The following ELMO2 variants were observed in gnomAD, a reference collection of about 807,000 sequenced individuals.
The protein encoded by ELMO2 is engulfment and cell motility 2.
ELMO2 carries 37 observed loss-of-function variants against 96.2 expected under a neutral mutation model. The ratio of observed to expected loss-of-function variants is 0.38; its 90% CI spans 0.30 to 0.51. The LOEUF (loss-of-function observed/expected upper bound fraction) is 0.51, where lower values mean the gene tolerates loss of function less well. Ranked by LOEUF, ELMO2 falls within the 20% of genes least tolerant of loss-of-function variation. ELMO2 has a pLI of 0.88. For synonymous variants in ELMO2, 315 were observed against 329.4 expected, an observed-to-expected ratio of 0.96 and a Z score of 0.47; for missense variants, 561 against 912.6, an observed-to-expected ratio of 0.61 and a Z score of 4.96.
chr20:46,389,158 A>G lies in ELMO2; in HGVS notation c.306T>C (p.Asp102=). ...TQSSNMETRL[D]AMKELAKLSA... is the part of the protein sequence containing the mutation. ...AGAGCTTGGCCAGCTCCTTCATGGC[A>G]TCCAGCCGGGTCTCCATGTTGGATG... Residue 102 remains aspartate, a synonymous_variant, in exon 7 of 22, where the codon GAT becomes GAC. Coordinates refer to ENST00000290246, the MANE Select transcript of ELMO2 (RefSeq NM_133171.5). 6.2e-7 allele frequency: 1 copy of G among 1,614,182 alleles called. No individual in the cohort carries two copies. The highest frequency in any genetic ancestry group is 8.5e-7 in the Non-Finnish European group (1 of 1,180,026).
At chr20:46,401,082 G>A (rs964121498) in intron 1 of ELMO2, among the ~76,000 whole-genome samples, 1 of 152,190 alleles carries the variant, frequency 6.6e-6, no homozygotes, top group African/African-American at 2.4e-5. Flanking sequence ...GGTGAAGGAG[G>A]CATGGGTAAG....
chr20:46,393,693 T>C (rs767513875), intron 4 of ELMO2, 92 bp from the exon 5 acceptor site: 78 of 1,378,122 alleles, frequency 5.7e-5, no homozygotes, highest in Non-Finnish European at 7.0e-5. Flanking sequence ...CTCAAGGGAT[T>C]GGGTGGCCTA....
intron 2 of ELMO2, among the ~76,000 whole-genome samples, chr20:46,396,390 G>A (rs1429511131): frequency 3.3e-5 from 5 of 152,152 alleles, no homozygotes; most frequent in East Asian, 1.9e-4. Flanking sequence ...ATAAAATGCA[G>A]AGGGCTTAAG....
At chr20:46,369,953 GGTATGGGGGTGTGT>G in intron 20 of ELMO2, 2 of 228,970 alleles carry the variant, frequency 8.7e-6, no homozygotes, top group South Asian at 3.9e-5. Flanking sequence ...AGACAAGATG[GGTATGGGGGTGTGT>G]GTGTGTGTGT....
At position 46,383,470 on chromosome 20, in the gene ELMO2, G is replaced by A. The variant is rs374676367; in HGVS notation, c.702C>T (p.Tyr234=). 46 of 1,614,148 alleles carry A rather than the reference G, an allele frequency of 2.8e-5. No homozygotes were observed. Among genetic ancestry groups the A allele is most frequent in the Admixed American group, 1.2e-4 (7 of 60,022 alleles). ...AAAGTGCATTAATCAGTGCAATGGCGTAGGTCTGAATCTCCTGGTTGGAGC... is the reference window on the plus strand; with the variant it reads ...AAAGTGCATTAATCAGTGCAATGGCATAGGTCTGAATCTCCTGGTTGGAGC... ...LQVSNQEIQT[Y]AIALINALFL... is the part of the protein sequence containing the mutation. Residue 234 remains tyrosine, a synonymous_variant, in exon 10 of 22, where the codon TAC becomes TAT. Transcript: ENST00000290246.
chr20:46,376,978 C>A (rs143612907), intron 11 of ELMO2: 1 of 382,114 alleles, frequency 2.6e-6, no homozygotes. Flanking sequence ...AATGCAGATA[C>A]GGAACACTTC....
intron 1 of ELMO2, 84 bp downstream of exon 1, chr20:46,406,464 C>T (rs1254692732): frequency 6.5e-6 from 1 of 152,678 alleles, no homozygotes; most frequent in East Asian, 1.9e-4. Flanking sequence ...AACGCTCGGC[C>T]CGGCCTCTCT....
In ELMO2 at chr20:46,368,928, T is replaced by C. The variant is rs1749400007; in HGVS notation, c.1925A>G (p.Asp642Gly). The change falls in exon 21 of 22, where the codon GAT becomes GGT. Residue 642 changes from aspartate (D) to glycine (G), a missense_variant. Coordinates refer to ENST00000290246, the MANE Select transcript of ELMO2 (RefSeq NM_133171.5). ...ELAFSILYDP[D>G]ETLNFIAPNK... ...AGGTGCGATGAAGTTTAAGGTCTCA[T>C]CAGGGTCATACAGGATGGAGAAGGC... 3.7e-6 allele frequency: 6 copies of C among 1,614,058 alleles called. No individual in the cohort carries two copies. Among genetic ancestry groups the C allele is most frequent in the Non-Finnish European group, 5.1e-6 (6 of 1,180,028 alleles).
Position 46,368,719 on chromosome 20 carries a change from T to C in ELMO2, c.1962+172A>G, listed in dbSNP as rs79269212. Among the ~76,000 whole-genome samples, 1,005 of 152,288 alleles carry C rather than the reference T, an allele frequency of 6.6e-3. 15 individuals are homozygous for C. The highest frequency in any genetic ancestry group is 0.023 in the African/African-American group (939 of 41,554). On this transcript the variant is annotated intron_variant, in intron 21 of 21. Transcript: ENST00000290246. ...TGCCCCCCCAACCACAGCTCCTCCT[T>C]TGAGACATTCCCATCCTATTGAAAT...
At chr20:46,373,175 G>A (rs2059765377) in intron 16 of ELMO2, 1 of 553,466 alleles carries the variant, frequency 1.8e-6, no homozygotes, top group African/African-American at 1.9e-5. Flanking sequence ...AACTTCAATG[G>A]ACAAATGAGG....
rs1308004404 is a variant in ELMO2, at chr20:46,376,710, G to C, written c.808-920C>G. On this transcript the variant is annotated intron_variant, in intron 11 of 21. Coordinates refer to ENST00000290246, the MANE Select transcript of ELMO2 (RefSeq NM_133171.5). ...CTCCCTCTGTCTCACCCACCATTAT[G>C]AATCCTGTCCCTCTTGGTTCTTTCT... The C allele has an allele frequency of 3.1e-6, 4 of 1,289,256 alleles. No homozygotes were observed. In the African/African-American group the frequency reaches 6.1e-5, roughly 20 times the overall value. 79.9% of individuals were successfully genotyped at this position (1,289,256 alleles called of 1,614,324 possible).
chr20:46,389,824 G>A (rs1277103388), intron 6 of ELMO2, among the ~76,000 whole-genome samples: 1 of 152,092 alleles, frequency 6.6e-6, no homozygotes, highest in East Asian at 1.9e-4. Flanking sequence ...ACTGCAGCCC[G>A]GGTAACAGAG....
At chr20:46,381,694 G>A (rs1250436016) in intron 10 of ELMO2, among the ~76,000 whole-genome samples, 1 of 152,120 alleles carries the variant, frequency 6.6e-6, no homozygotes, top group Non-Finnish European at 1.5e-5. Context: ...GTGGTGTCAG[G>A]GGGAGGCACT....
At chr20:46,393,043 C>A in intron 6 of ELMO2, 50 bp downstream of exon 6, 1 of 1,521,736 alleles carries the variant, frequency 6.6e-7, no homozygotes, top group South Asian at 1.1e-5. Context: ...GGTAGGTGCT[C>A]ATATTTGTTT....
intron 11 of ELMO2, among the ~76,000 whole-genome samples, chr20:46,377,177 A>G (rs1470956167): frequency 8.4e-6 from 1 of 118,876 alleles, no homozygotes; most frequent in Non-Finnish European, 1.8e-5. Context: ...ATGAAATGTT[A>G]GGCCAAACTG....
intron 6 of ELMO2, among the ~76,000 whole-genome samples, chr20:46,391,235 A>C (rs543686981): frequency 3.9e-4 from 59 of 152,278 alleles, no homozygotes; most frequent in African/African-American, 1.4e-3. Context: ...GATGGGAGGA[A>C]TATGGGCCTA....
In ELMO2 at chr20:46,368,964, A is replaced by C; in HGVS notation, c.1889T>G (p.Val630Gly). The stretch of plus-strand genomic sequence containing the variant: ...CAGGATGGAGAAGGCCAATTCCAAC[A>C]CCTCCTGAAGGAGAAAGGGTTTAAA... ...EKSALKQNKE[V>G]LELAFSILYD... The change falls in exon 21 of 22, where the codon GTG becomes GGG. Residue 630 changes from valine (V) to glycine (G), a missense_variant. Transcript: ENST00000290246. 1 of 1,613,890 alleles carries C rather than the reference A, an allele frequency of 6.2e-7. No individual in the cohort carries two copies. Among genetic ancestry groups the C allele is most frequent in the Non-Finnish European group, 8.5e-7 (1 of 1,179,934 alleles).
chr20:46,383,336 C>T, intron 10 of ELMO2, 80 bp downstream of exon 10: 4 of 1,392,162 alleles, frequency 2.9e-6, no homozygotes, highest in Non-Finnish European at 4.1e-6. Context: ...GATTTGTGCT[C>T]TCTGCATAGC....
At chr20:46,368,085 T>C (rs1296951682) in intron 21 of ELMO2, among the ~76,000 whole-genome samples, 1 of 152,148 alleles carries the variant, frequency 6.6e-6, no homozygotes, top group Non-Finnish European at 1.5e-5. Context: ...ATCCCACCGC[T>C]CCCTGACTCT....
Sources: gnomAD v4.1 joint callset for allele counts (sites outside exome capture counted in the v4.1 genomes callset) on GRCh38, gnomAD v4.1.1 for gene constraint, MANE v1.5 for transcripts, NCBI Gene and HGNC (gene_info 2026-07-23, HGNC 2026-07-21) for gene names.